The following CPQ variants were observed in gnomAD, a reference collection of about 807,000 sequenced individuals.
CPQ encodes the protein Ser-Met dipeptidase.
Under a neutral mutation model 45.7 loss-of-function variants are expected in CPQ, and 37 were observed. The observed-to-expected ratio is 0.81, with a 90% CI of 0.62 to 1.07. The LOEUF (loss-of-function observed/expected upper bound fraction) is 1.07, where lower values mean the gene tolerates loss of function less well. Among genes scored for constraint, CPQ ranks in the 50% least tolerant of loss-of-function variants. The pLI, the probability that CPQ is intolerant of heterozygous loss-of-function variation, is 0.00. For synonymous variants in CPQ, 186 were observed against 205.8 expected, an observed-to-expected ratio of 0.90 and a Z score of 0.82; for missense variants, 537 against 572.9, an observed-to-expected ratio of 0.94 and a Z score of 0.64.
intron 3 of CPQ, among the ~76,000 whole-genome samples, chr8:96,836,489 G>T (rs1811532887): frequency 6.6e-6 from 1 of 152,122 alleles, no homozygotes; most frequent in Non-Finnish European, 1.5e-5. Flanking sequence ...GTCTTTAGAG[G>T]TTTCAAGACT....
At chr8:96,907,361 A>G (rs1163975200) in intron 4 of CPQ, among the ~76,000 whole-genome samples, 1 of 152,178 alleles carries the variant, frequency 6.6e-6, no homozygotes, top group East Asian at 1.9e-4. Flanking sequence ...GGATCATCAT[A>G]AAGCTCAGAC....
At chr8:96,697,333 T>C (rs1239001979) in intron 1 of CPQ, among the ~76,000 whole-genome samples, 2 of 152,164 alleles carry the variant, frequency 1.3e-5, no homozygotes, top group Non-Finnish European at 2.9e-5. Flanking sequence ...CCCTTCATGA[T>C]AAAAACTCTG....
chr8:96,852,555 C>T (rs1302466631), intron 3 of CPQ, among the ~76,000 whole-genome samples: 1 of 152,188 alleles, frequency 6.6e-6, no homozygotes, highest in Non-Finnish European at 1.5e-5. Context: ...TCGCCCTCTT[C>T]CTTGCTCCTG....
At chr8:96,672,278 A>C (rs1036154824) in intron 1 of CPQ, among the ~76,000 whole-genome samples, 5 of 152,182 alleles carry the variant, frequency 3.3e-5, no homozygotes, top group Admixed American at 2.6e-4. Flanking sequence ...TATAGTACAC[A>C]GTCAGCCTTG....
At chr8:96,823,485 A>C (rs1214077656) in intron 2 of CPQ, among the ~76,000 whole-genome samples, 1 of 151,900 alleles carries the variant, frequency 6.6e-6, no homozygotes, top group Non-Finnish European at 1.5e-5. Context: ...TTTGTAGCTA[A>C]ATTTATGGTC....
intron 4 of CPQ, among the ~76,000 whole-genome samples, chr8:96,896,040 A>G (rs1357689965): frequency 6.6e-6 from 1 of 152,108 alleles, no homozygotes; most frequent in Non-Finnish European, 1.5e-5. Flanking sequence ...GTATTTTCAT[A>G]ATAAGACTCT....
At chr8:97,099,571 G>A (rs1341284165) in intron 7 of CPQ, among the ~76,000 whole-genome samples, 3 of 150,348 alleles carry the variant, frequency 2.0e-5, no homozygotes, top group East Asian at 1.9e-4. Context: ...TTCTGACTAC[G>A]TGGTTTCTCC....
intron 6 of CPQ, among the ~76,000 whole-genome samples, chr8:97,054,429 C>T (rs748006658): frequency 1.3e-5 from 2 of 151,966 alleles, no homozygotes; most frequent in Non-Finnish European, 2.9e-5. Context: ...AGGTATCTGC[C>T]CAAAGGAAAA....
At chr8:96,903,205 T>C (rs1291085911) in intron 4 of CPQ, among the ~76,000 whole-genome samples, 1 of 152,210 alleles carries the variant, frequency 6.6e-6, no homozygotes, top group East Asian at 1.9e-4. Flanking sequence ...TTTCCTTCTT[T>C]CTAATCCTTG....
intron 1 of CPQ, among the ~76,000 whole-genome samples, chr8:96,686,849 G>A (rs1007966161): frequency 6.6e-6 from 1 of 151,976 alleles, no homozygotes; most frequent in Non-Finnish European, 1.5e-5. Flanking sequence ...TTGACAATTT[G>A]TCCTCCTTTT....
intron 1 of CPQ, among the ~76,000 whole-genome samples, chr8:96,704,606 G>C (rs1187818439): frequency 1.3e-5 from 2 of 152,110 alleles, no homozygotes; most frequent in African/African-American, 4.8e-5. Flanking sequence ...GATATATCTG[G>C]AGTTCAAGAG....
At chr8:97,002,049 C>T (rs576101329) in intron 5 of CPQ, among the ~76,000 whole-genome samples, 49 of 151,716 alleles carry the variant, frequency 3.2e-4, no homozygotes, top group Non-Finnish European at 4.4e-4. Context: ...TTAGTTTATG[C>T]GCATAGAAGG....
At chr8:96,702,943 T>C (rs149810851) in intron 1 of CPQ, among the ~76,000 whole-genome samples, 42 of 152,310 alleles carry the variant, frequency 2.8e-4, no homozygotes, top group African/African-American at 8.9e-4. Flanking sequence ...GTGATGTGCC[T>C]TATAGAAAAA....
intron 6 of CPQ, among the ~76,000 whole-genome samples, chr8:97,064,135 T>G (rs1273314147): frequency 6.6e-6 from 1 of 152,200 alleles, no homozygotes; most frequent in Non-Finnish European, 1.5e-5. Flanking sequence ...CTAGAAGCAC[T>G]TTGCCTGATT....
At chr8:96,808,132 A>C (rs1811109569) in intron 2 of CPQ, among the ~76,000 whole-genome samples, 1 of 152,164 alleles carries the variant, frequency 6.6e-6, no homozygotes, top group African/African-American at 2.4e-5. Flanking sequence ...TATTCTATTT[A>C]GTTTTTACCA....
chr8:96,925,750 C>T (rs954730675), intron 4 of CPQ, among the ~76,000 whole-genome samples: 3 of 148,226 alleles, frequency 2.0e-5, no homozygotes, highest in East Asian at 2.0e-4. Context: ...AGTGCAGTGG[C>T]GCGATCTCAG....
chr8:97,030,912 C>T (rs969138660), intron 6 of CPQ, among the ~76,000 whole-genome samples: 28 of 151,994 alleles, frequency 1.8e-4, no homozygotes, highest in African/African-American at 6.8e-4. Flanking sequence ...GCAGAGGGAC[C>T]TGTGTGTGCA....
At chr8:96,917,240 G>A (rs1040084292) in intron 4 of CPQ, among the ~76,000 whole-genome samples, 16 of 152,172 alleles carry the variant, frequency 1.1e-4, no homozygotes, top group African/African-American at 3.4e-4. Context: ...CTTCCACACA[G>A]GAGATTTATC....
intron 7 of CPQ, among the ~76,000 whole-genome samples, chr8:97,066,501 G>GT (rs1160204063): frequency 1.3e-5 from 2 of 152,006 alleles, no homozygotes; most frequent in Admixed American, 6.6e-5. Context: ...GTTTTGTTTT[G>GT]TTTTTTAAGG....
Sources: gnomAD v4.1 joint callset for allele counts (sites outside exome capture counted in the v4.1 genomes callset) on GRCh38, gnomAD v4.1.1 for gene constraint, MANE v1.5 for transcripts, NCBI Gene and HGNC (gene_info 2026-07-23, HGNC 2026-07-21) for gene names.